PISD: variants seen among roughly 807,000 people sequenced by gnomAD.
PISD encodes phosphatidylserine decarboxylase proenzyme, mitochondrial.
Under a neutral mutation model 43.5 loss-of-function variants are expected in PISD, and 31 were observed. That is an observed-to-expected ratio of 0.71 (90% CI 0.54 to 0.96). The LOEUF is 0.96. Among genes scored for constraint, PISD ranks in the 40% least tolerant of loss-of-function variants. PISD has a pLI of 0.00. For synonymous variants in PISD, 259 were observed against 228.7 expected, an observed-to-expected ratio of 1.13 and a Z score of -1.20; for missense variants, 523 against 548.4, an observed-to-expected ratio of 0.95 and a Z score of 0.46.
chr22:31,647,295 T>C (rs1168864700), intron 3 of PISD, among the ~76,000 whole-genome samples: 1 of 152,096 alleles, frequency 6.6e-6, no homozygotes, highest in Middle Eastern at 3.2e-3. Flanking sequence ...CGGAGCATGG[T>C]TGAGACTTGC....
At position 31,630,881 on chromosome 22, in the gene PISD, G is replaced by C; in HGVS notation, c.322-8996C>G. 1 of 985,036 alleles carries C rather than the reference G, an allele frequency of 1.0e-6. No individual in the cohort carries two copies. Among genetic ancestry groups the C allele is most frequent in the Non-Finnish European group, 1.2e-6 (1 of 829,536 alleles). 61.0% of individuals were successfully genotyped at this position (985,036 alleles called of 1,614,324 possible). On this transcript the variant is annotated intron_variant, in intron 3 of 7. Transcript: ENST00000439502. This position sits in a 1 kb window ranked among gnomAD's most constrained non-coding sequence, Gnocchi z 4.4. ...CCGGGAAGCCTTGGGGCGAGTGGGC[G>C]GGGCTCGGGCTCCAGCCACTCAGAC...
In PISD at chr22:31,619,575, A is replaced by G. The variant is rs756133021; in HGVS notation, c.*37T>C. Reference sequence around the variant, plus strand: ...TTGAAAAGACCCTCACTCTGTTTGGAAAAGATCCCTTAGCAGCCATAATCA... The same window carrying G: ...TTGAAAAGACCCTCACTCTGTTTGGGAAAGATCCCTTAGCAGCCATAATCA... On this transcript the variant is annotated 3_prime_UTR_variant, in exon 8 of 8. Transcript: ENST00000439502. The G allele has an allele frequency of 1.4e-5, 22 of 1,559,802 alleles. No individual in the cohort carries two copies. The East Asian group carries it at 4.5e-4, about 32-fold the overall frequency.
rs763940160 is a variant in PISD, at chr22:31,619,564, ACT to A, written c.*46_*47del. ...GGGCCTCCCTCTTGAAAAGACCCTCACTCTGTTTGGAAAAGATCCCTTAGCAG... is the reference window on the plus strand; with the variant it reads ...GGGCCTCCCTCTTGAAAAGACCCTCACTGTTTGGAAAAGATCCCTTAGCAG... On this transcript the variant is annotated 3_prime_UTR_variant, in exon 8 of 8. Coordinates refer to ENST00000439502, the MANE Select transcript of PISD (RefSeq NM_001326411.2). 1.3e-6 allele frequency: 2 copies of A among 1,508,386 alleles called. No homozygotes were observed. The highest frequency in any genetic ancestry group is 1.4e-5 in the African/African-American group (1 of 72,654). 93.4% of individuals were successfully genotyped at this position (1,508,386 alleles called of 1,614,324 possible).
chr22:31,621,203 AGT>A (rs2072547866), intron 5 of PISD, 61 bp from the exon 6 acceptor site: 1 of 1,612,802 alleles, frequency 6.2e-7, no homozygotes, highest in East Asian at 2.2e-5. Context: ...ACGGAGCCCG[AGT>A]GTGGTCTGCA....
chr22:31,621,196 G>C, intron 5 of PISD, 54 bp from the exon 6 acceptor site: 1 of 1,613,210 alleles, frequency 6.2e-7, no homozygotes, highest in African/African-American at 1.3e-5. Flanking sequence ...ACCCAGCACG[G>C]AGCCCGAGTG....
Position 31,619,609 on chromosome 22 carries a change from ACT to A in PISD, c.*1_*2del, listed in dbSNP as rs1267422323. 18 of 1,610,764 alleles carry A rather than the reference ACT, an allele frequency of 1.1e-5. No homozygotes were observed. The highest frequency in any genetic ancestry group is 3.3e-5 in the South Asian group (3 of 91,008). On this transcript the variant is annotated 3_prime_UTR_variant, in exon 8 of 8. Transcript: ENST00000439502. ...CTTAGCAGCCATAATCAGGAAAGAG[ACT>A]CTAGAGCGAGCCCAGGGCTTCCCCA... is the stretch of plus-strand genomic sequence containing the variant.
intron 2 of PISD, among the ~76,000 whole-genome samples, chr22:31,649,387 A>T (rs1290810600): frequency 6.6e-6 from 1 of 152,184 alleles, no homozygotes; most frequent in Non-Finnish European, 1.5e-5. Flanking sequence ...AGTACCTTAG[A>T]AGGTGCCCTT....
intron 3 of PISD, chr22:31,628,718 G>A: frequency 1.8e-6 from 1 of 544,830 alleles, no homozygotes; most frequent in Non-Finnish European, 2.3e-6. Flanking sequence ...CTGGAAAATG[G>A]GAAAGGAAAT....
chr22:31,621,452 C>G lies in PISD; in HGVS notation c.579G>C (p.Arg193Ser), dbSNP rs766541600. 5.0e-6 allele frequency: 8 copies of G among 1,614,184 alleles called. 1 individual carries two copies. In the South Asian group the frequency reaches 7.7e-5, roughly 16 times the overall value. The change falls in exon 5 of 8, where the codon AGG becomes AGC. Residue 193 changes from arginine (R) to serine (S), a missense_variant. Coordinates refer to ENST00000439502, the MANE Select transcript of PISD (RefSeq NM_001326411.2). The part of the protein sequence containing the change: ...LHSVISPSDG[R>S]ILNFGQVKNC... Reference sequence around the variant, plus strand: ...TCTTCACCTGCCCAAAGTTGAGGATCCTTCCATCCGATGGGCTAATCTGGA... The same window carrying G: ...TCTTCACCTGCCCAAAGTTGAGGATGCTTCCATCCGATGGGCTAATCTGGA...
chr22:31,649,682 G>A (rs575069119), intron 2 of PISD, among the ~76,000 whole-genome samples: 2 of 151,620 alleles, frequency 1.3e-5, no homozygotes, highest in East Asian at 3.9e-4. Flanking sequence ...GCAGTGAGCC[G>A]AGATCCCACC....
intron 3 of PISD, among the ~76,000 whole-genome samples, chr22:31,642,930 C>T (rs1205147212): frequency 6.6e-6 from 1 of 151,116 alleles, no homozygotes; most frequent in African/African-American, 2.4e-5. Context: ...TGGAGCATCC[C>T]CGTCTCTACT....
intron 3 of PISD, among the ~76,000 whole-genome samples, chr22:31,637,155 AAAAAAAAAAATATATATAT>A (rs1483892662): frequency 0.019 from 870 of 44,646 alleles, 8 homozygotes; most frequent in Non-Finnish European, 0.027. Flanking sequence ...AAAAAAAAAA[AAAAAAAAAAATATATATAT>A]ATATATATAT....
At chr22:31,623,888 C>A in intron 3 of PISD, 1 of 1,592,080 alleles carries the variant, frequency 6.3e-7, no homozygotes, top group East Asian at 2.2e-5. Context: ...GGTCAGTGGC[C>A]AGGCTCTGGG....
At chr22:31,629,702 A>G (rs893773529) in intron 3 of PISD, 4 of 152,066 alleles carry the variant, frequency 2.6e-5, no homozygotes, top group African/African-American at 7.3e-5. Context: ...ATACACTTAC[A>G]GTCCTGCTCC....
intron 1 of PISD, among the ~76,000 whole-genome samples, chr22:31,652,237 T>C (rs937348873): frequency 2.0e-5 from 3 of 152,020 alleles, no homozygotes; most frequent in African/African-American, 7.2e-5. Context: ...GTTCAAGCGA[T>C]TGTCATGCCT....
rs889688435 is a variant in PISD at position 31,619,712 on chromosome 22, C to G, written c.1130G>C (p.Gly377Ala). The G allele has an allele frequency of 6.2e-7, 1 of 1,614,110 alleles. No individual in the cohort carries two copies. Among genetic ancestry groups the G allele is most frequent in the African/African-American group, 1.3e-5 (1 of 74,946 alleles). ...KGEHLGEFNLGSTIVLIFEAP... is the reference protein window; with the variant it reads ...KGEHLGEFNLASTIVLIFEAP... ...CTCGAAGATGAGCACGATGGTGGAG[C>G]CCAGGTTGAACTCGCCCAGGTGCTC... The change falls in exon 8 of 8, where the codon GGC (glycine) becomes GCC (alanine). Residue 377 changes from glycine (G) to alanine (A), a missense_variant. Gly to Ala is a moderately conservative substitution (Grantham distance 60). Transcript: ENST00000439502.
At chr22:31,649,565 C>G (rs2073979940) in intron 2 of PISD, among the ~76,000 whole-genome samples, 2 of 151,964 alleles carry the variant, frequency 1.3e-5, no homozygotes, top group African/African-American at 4.8e-5. Flanking sequence ...AACCCCGTCT[C>G]TACTAAAAAT....
intron 3 of PISD, among the ~76,000 whole-genome samples, chr22:31,637,235 C>T (rs1337867657): frequency 2.4e-5 from 3 of 127,440 alleles, no homozygotes; most frequent in East Asian, 2.4e-4. Flanking sequence ...TGGTGGTGCA[C>T]GCCAGTAATT....
intron 3 of PISD, among the ~76,000 whole-genome samples, 198 bp downstream of exon 3, chr22:31,647,903 G>A (rs914567778): frequency 3.3e-5 from 5 of 152,116 alleles, no homozygotes; most frequent in Admixed American, 3.3e-4. Flanking sequence ...GGGAGACCAG[G>A]GTAAGGTCTG....
Sources: allele counts gnomAD v4.1 joint callset (sites outside exome capture counted in the v4.1 genomes callset), GRCh38; gene constraint gnomAD v4.1.1; non-coding constraint Gnocchi (gnomAD v3.1); transcripts MANE v1.5; gene names NCBI Gene and HGNC (gene_info 2026-07-23, HGNC 2026-07-21).